Variants in GPHN observed in about 807,000 individuals in gnomAD.
GPHN encodes gephyrin.
Under a neutral mutation model 95.5 loss-of-function variants are expected in GPHN, and 17 were observed. The observed-to-expected ratio is 0.18, with a 90% CI of 0.12 to 0.27. GPHN has a LOEUF of 0.27. Among genes scored for constraint, GPHN ranks in the 10% least tolerant of loss-of-function variants. The pLI, the probability that GPHN is intolerant of heterozygous loss-of-function variation, is 1.00. For missense variants in GPHN, 660 were observed against 978.1 expected (o/e 0.67, Z 4.34); for synonymous variants, 320 against 322.5 (o/e 0.99, Z 0.08).
Position 66,655,375 on chromosome 14 carries a change from G to T in GPHN, c.65-25732G>T, listed in dbSNP as rs565354952. Among the ~76,000 whole-genome samples the T allele has an allele frequency of 3.9e-5, 6 of 152,026 alleles. No individual in the cohort carries two copies. The East Asian group carries it at 1.2e-3, about 29-fold the overall frequency. ...TCATTTTTTTTAAGCAATGATAAGT[G>T]GCATTATATTTTAATTTAAAGATTC... On this transcript the variant is annotated intron_variant, in intron 1 of 22. Coordinates refer to ENST00000478722, the MANE Select transcript of GPHN (RefSeq NM_020806.5).
At chr14:66,793,188 C>G (rs1050736748) in intron 3 of GPHN, among the ~76,000 whole-genome samples, 3 of 152,216 alleles carry the variant, frequency 2.0e-5, no homozygotes, top group Non-Finnish European at 2.9e-5. Context: ...GGGGCCTGTT[C>G]CCAACAGTAA....
intron 5 of GPHN, among the ~76,000 whole-genome samples, chr14:66,897,878 C>T (rs1053146493): frequency 2.6e-5 from 4 of 152,120 alleles, no homozygotes; most frequent in South Asian, 2.1e-4. Flanking sequence ...TATCATTTTA[C>T]AATCACACCA....
the GPHN span, chr14:67,359,516 G>A: frequency 4.5e-6 from 4 of 881,232 alleles, no homozygotes; most frequent in South Asian, 3.5e-5. Flanking sequence ...AGGAAGCCTC[G>A]CCCTAGACTC....
the GPHN span, among the ~76,000 whole-genome samples, chr14:67,440,441 C>T: frequency 1.3e-5 from 2 of 152,094 alleles, no homozygotes; most frequent in Non-Finnish European, 1.5e-5. Flanking sequence ...TCACCTTGAT[C>T]CACTGCTGGA....
chr14:67,219,877 C>T, the GPHN span, among the ~76,000 whole-genome samples: 3 of 152,056 alleles, frequency 2.0e-5, no homozygotes, highest in Admixed American at 2.0e-4. Flanking sequence ...CTCTTAAGCC[C>T]AATTTAATAA....
the GPHN span, among the ~76,000 whole-genome samples, chr14:67,683,883 C>T: frequency 6.6e-6 from 1 of 152,138 alleles, no homozygotes; most frequent in Non-Finnish European, 1.5e-5. Context: ...CTTTGGAATC[C>T]AAGAACCCTA....
chr14:67,410,628 G>A, the GPHN span, among the ~76,000 whole-genome samples: 1 of 152,218 alleles, frequency 6.6e-6, no homozygotes, highest in South Asian at 2.1e-4. Context: ...ACCAAATAAC[G>A]TGCAACATCA....
the GPHN span, chr14:67,676,874 T>G: frequency 6.6e-6 from 1 of 152,234 alleles, no homozygotes; most frequent in Admixed American, 6.5e-5. Flanking sequence ...CAAAAAGAAT[T>G]TTTATTTGTC....
intron 8 of GPHN, among the ~76,000 whole-genome samples, chr14:66,941,686 A>AAAAAAAAAAAAAAAAC (rs2067438454): frequency 6.6e-6 from 1 of 151,928 alleles, no homozygotes; most frequent in African/African-American, 2.4e-5. Context: ...GCCTTGGTAA[A>AAAAAAAAAAAAAAAAC]AAAAAAAAAA....
At chr14:66,664,165 A>G (rs2153378525) in intron 1 of GPHN, among the ~76,000 whole-genome samples, 1 of 152,302 alleles carries the variant, frequency 6.6e-6, no homozygotes, top group East Asian at 1.9e-4. Flanking sequence ...CTCAAAAACA[A>G]CAGACTATAC....
At chr14:66,612,642 C>G (rs2062831351) in intron 1 of GPHN, among the ~76,000 whole-genome samples, 1 of 152,032 alleles carries the variant, frequency 6.6e-6, no homozygotes, top group Non-Finnish European at 1.5e-5. Flanking sequence ...ATTAAGTAAA[C>G]ACATGAAACC....
At chr14:67,170,132 G>A (rs1341047705) in intron 21 of GPHN, among the ~76,000 whole-genome samples, 1 of 151,664 alleles carries the variant, frequency 6.6e-6, no homozygotes, top group Non-Finnish European at 1.5e-5. Flanking sequence ...AGAATACATA[G>A]GATAAAAACA....
intron 4 of GPHN, among the ~76,000 whole-genome samples, chr14:66,843,875 A>G (rs771995450): frequency 6.6e-5 from 10 of 152,016 alleles, no homozygotes; most frequent in African/African-American, 2.4e-4. Flanking sequence ...TTCCTTTCAC[A>G]TCATATATTA....
the GPHN span, among the ~76,000 whole-genome samples, chr14:67,548,468 C>A: frequency 6.6e-6 from 1 of 152,172 alleles, no homozygotes; most frequent in Admixed American, 6.5e-5. Context: ...GAGGCCAAGG[C>A]GGGCAGATCA....
At chr14:67,603,175 T>C in the GPHN span, among the ~76,000 whole-genome samples, 1 of 152,144 alleles carries the variant, frequency 6.6e-6, no homozygotes, top group African/African-American at 2.4e-5. Context: ...GCTAAAGAGA[T>C]CCTCCCACCT....
Position 66,749,835 on chromosome 14 carries a change from T to G in GPHN, c.144-26629T>G, listed in dbSNP as rs201376903. Among the ~76,000 whole-genome samples the G allele has an allele frequency of 2.0e-3, 296 of 147,038 alleles. 3 individuals carry two copies. Among genetic ancestry groups the G allele is most frequent in the East Asian group, 8.4e-3 (43 of 5,126 alleles). ...TCACAGTGCCTTTTACAAAGCAGGGTTTTTTTTTTAATTTTTAATTTTTGT... is the reference window on the plus strand; with the variant it reads ...TCACAGTGCCTTTTACAAAGCAGGGGTTTTTTTTTAATTTTTAATTTTTGT... On this transcript the variant is annotated intron_variant, in intron 2 of 22. Coordinates refer to ENST00000478722, the MANE Select transcript of GPHN (RefSeq NM_020806.5).
At chr14:67,465,431 G>A in the GPHN span, among the ~76,000 whole-genome samples, 3 of 152,136 alleles carry the variant, frequency 2.0e-5, no homozygotes, top group Non-Finnish European at 2.9e-5. Context: ...TGTAAGCCTC[G>A]CTAAGGTGTC....
intron 9 of GPHN, among the ~76,000 whole-genome samples, chr14:66,966,194 T>C (rs991712841): frequency 6.6e-6 from 1 of 152,152 alleles, no homozygotes; most frequent in Non-Finnish European, 1.5e-5. Flanking sequence ...TTTTTCTCTG[T>C]CATCAAATTT....
At chr14:66,537,040 A>G (rs1199631495) in intron 1 of GPHN, among the ~76,000 whole-genome samples, 1 of 152,010 alleles carries the variant, frequency 6.6e-6, no homozygotes, top group Non-Finnish European at 1.5e-5. Context: ...GTCTACTTTT[A>G]CCTTCTATTA....
Sources: allele counts gnomAD v4.1 joint callset (sites outside exome capture counted in the v4.1 genomes callset), GRCh38; gene constraint gnomAD v4.1.1; transcripts MANE v1.5; gene names NCBI Gene and HGNC (gene_info 2026-07-23, HGNC 2026-07-21).